GPHN: variants seen among roughly 807,000 people sequenced by gnomAD.
GPHN encodes the protein gephyrin.
A neutral mutation model predicts 95.5 loss-of-function variants in GPHN; 17 were observed. The ratio of observed to expected loss-of-function variants is 0.18; its 90% CI spans 0.12 to 0.27. The LOEUF is 0.27. Among genes scored for constraint, GPHN ranks in the 10% least tolerant of loss-of-function variants. The pLI, the probability that GPHN is intolerant of heterozygous loss-of-function variation, is 1.00. For synonymous variants in GPHN, 320 were observed against 322.5 expected, an observed-to-expected ratio of 0.99 and a Z score of 0.08; for missense variants, 660 against 978.1, an observed-to-expected ratio of 0.67 and a Z score of 4.34.
At chr14:67,444,736 C>T in the GPHN span, among the ~76,000 whole-genome samples, 5 of 152,098 alleles carry the variant, frequency 3.3e-5, no homozygotes, top group African/African-American at 1.2e-4. Context: ...GGAGGGAAGC[C>T]GGGCTAGAGA....
the GPHN span, among the ~76,000 whole-genome samples, chr14:67,532,669 A>T: frequency 1.3e-5 from 2 of 152,330 alleles, no homozygotes; most frequent in African/African-American, 4.8e-5. Context: ...CCTGGGCAAC[A>T]TAGCGAGACC....
rs568908210 is a variant in GPHN, at chr14:66,546,776, G to A, written c.64+38185G>A. Among the ~76,000 whole-genome samples, 458 of 149,128 alleles carry A rather than the reference G, an allele frequency of 3.1e-3. 3 individuals are homozygous for A. Among genetic ancestry groups the A allele is most frequent in the Non-Finnish European group, 5.1e-3 (345 of 67,170 alleles). On this transcript the variant is annotated intron_variant, in intron 1 of 22. Coordinates refer to ENST00000478722, the MANE Select transcript of GPHN (RefSeq NM_020806.5). ...GGGAGACCGTGGAAAGAGAGGGAGA[G>A]GGAGACCGTGGGGAGAGGGAGAGGG... is the stretch of plus-strand genomic sequence containing the variant.
intron 19 of GPHN, among the ~76,000 whole-genome samples, chr14:67,164,420 G>A (rs1799276056): frequency 6.6e-6 from 1 of 152,072 alleles, no homozygotes; most frequent in South Asian, 2.1e-4. Context: ...GAAGGAGCAG[G>A]ATTGAAAGAA....
the GPHN span, among the ~76,000 whole-genome samples, chr14:67,564,201 C>T: frequency 1.3e-5 from 2 of 152,160 alleles, no homozygotes; most frequent in African/African-American, 4.8e-5. Flanking sequence ...CGGGGTTTCA[C>T]CATGTTGGCC....
chr14:66,576,971 CTG>C (rs1857478304), intron 1 of GPHN, among the ~76,000 whole-genome samples: 4 of 152,202 alleles, frequency 2.6e-5, no homozygotes, highest in Admixed American at 2.0e-4. Context: ...AAATCAATGT[CTG>C]TGTCATTTAC....
At chr14:67,486,959 C>G in the GPHN span, 1 of 152,332 alleles carries the variant, frequency 6.6e-6, no homozygotes, top group South Asian at 2.1e-4. Flanking sequence ...CAGGCAGGAT[C>G]GCTGGGCTGG....
intron 1 of GPHN, among the ~76,000 whole-genome samples, chr14:66,619,184 AT>A (rs1435675707): frequency 2.6e-5 from 4 of 152,182 alleles, no homozygotes; most frequent in African/African-American, 9.6e-5. Flanking sequence ...TACAAATAAA[AT>A]GTACATGTGT....
intron 10 of GPHN, among the ~76,000 whole-genome samples, chr14:67,056,897 C>T (rs1380249602): frequency 5.3e-5 from 8 of 152,290 alleles, no homozygotes; most frequent in Admixed American, 2.6e-4. Flanking sequence ...AGAATTCGAG[C>T]GGGCGCTCGC....
the GPHN span, chr14:67,225,205 G>A: frequency 6.5e-7 from 1 of 1,542,248 alleles, no homozygotes; most frequent in South Asian, 1.3e-5. Flanking sequence ...TGAATGTGAG[G>A]AAAGAAAAGT....
intron 8 of GPHN, among the ~76,000 whole-genome samples, chr14:66,932,838 T>G (rs1040648923): frequency 1.3e-5 from 2 of 152,062 alleles, no homozygotes; most frequent in African/African-American, 4.8e-5. Context: ...AGGTTAAGAT[T>G]AGTACATCAA....
chr14:67,537,230 G>A, the GPHN span, among the ~76,000 whole-genome samples: 12 of 138,308 alleles, frequency 8.7e-5, no homozygotes, highest in South Asian at 2.3e-4. Context: ...TGTAATCCCA[G>A]CTACTCAGGA....
chr14:66,563,512 A>G (rs978121429), intron 1 of GPHN, among the ~76,000 whole-genome samples: 1 of 152,164 alleles, frequency 6.6e-6, no homozygotes, highest in African/African-American at 2.4e-5. Context: ...GAGCATTCAC[A>G]TGTTCATTCA....
the GPHN span, among the ~76,000 whole-genome samples, chr14:67,258,051 G>A: frequency 1.3e-5 from 2 of 151,772 alleles, no homozygotes; most frequent in Non-Finnish European, 2.9e-5. Context: ...TTGGCAATAG[G>A]TAGGTGTGGT....
intron 4 of GPHN, among the ~76,000 whole-genome samples, chr14:66,848,335 A>G (rs2062424827): frequency 6.6e-6 from 1 of 152,094 alleles, no homozygotes; most frequent in Non-Finnish European, 1.5e-5. Flanking sequence ...GAGGTCCTCA[A>G]AGAAAATACT....
the GPHN span, chr14:67,340,656 A>T: frequency 1.4e-6 from 1 of 714,288 alleles, no homozygotes; most frequent in Non-Finnish European, 2.3e-6. Context: ...TGGAAAATAA[A>T]AACACAAAGA....
intron 10 of GPHN, among the ~76,000 whole-genome samples, chr14:67,044,062 G>A (rs2074856320): frequency 1.3e-5 from 2 of 152,112 alleles, no homozygotes; most frequent in African/African-American, 4.8e-5. Flanking sequence ...TGTGGAATTA[G>A]TGGTGATATC....
At chr14:67,269,133 G>A in the GPHN span, among the ~76,000 whole-genome samples, 1 of 152,044 alleles carries the variant, frequency 6.6e-6, no homozygotes, top group South Asian at 2.1e-4. Flanking sequence ...ATGTGGTCGT[G>A]GTCCTTTGCT....
intron 11 of GPHN, among the ~76,000 whole-genome samples, chr14:67,076,795 C>T (rs2076512936): frequency 6.6e-6 from 1 of 151,960 alleles, no homozygotes; most frequent in Non-Finnish European, 1.5e-5. Flanking sequence ...ATTTGAAAGG[C>T]TTAGGTAGTA....
intron 2 of GPHN, among the ~76,000 whole-genome samples, chr14:66,684,280 G>A (rs2067192857): frequency 6.6e-6 from 1 of 152,084 alleles, no homozygotes; most frequent in Non-Finnish European, 1.5e-5. Context: ...ATTAGGCTAA[G>A]GAAAACCCAG....
Sources: allele counts gnomAD v4.1 joint callset (sites outside exome capture counted in the v4.1 genomes callset), GRCh38; gene constraint gnomAD v4.1.1; transcripts MANE v1.5; gene names NCBI Gene and HGNC (gene_info 2026-07-23, HGNC 2026-07-21).